CSMD1: variants seen among roughly 807,000 people sequenced by gnomAD.
CSMD1 encodes CUB and sushi domain-containing protein 1.
A neutral mutation model predicts 417.5 loss-of-function variants in CSMD1; 213 were observed. The observed-to-expected ratio is 0.51, with a 90% CI of 0.46 to 0.57. CSMD1 has a LOEUF of 0.57. Among genes scored for constraint, CSMD1 ranks in the 20% least tolerant of loss-of-function variants. CSMD1 has a pLI of 0.00. For synonymous variants in CSMD1, 2,862 were observed against 1,736.8 expected (o/e 1.65, Z -16.11); for missense variants, 6,923 against 4,529.7 (o/e 1.53, Z -15.17).
chr8:4,125,547 T>G (rs1039250901), intron 3 of CSMD1, among the ~76,000 whole-genome samples: 2 of 152,330 alleles, frequency 1.3e-5, no homozygotes, highest in East Asian at 1.9e-4. Flanking sequence ...AGCCTCAACT[T>G]TGTTAAAAAT....
At chr8:4,820,150 T>G (rs1799439268) in intron 1 of CSMD1, among the ~76,000 whole-genome samples, 1 of 152,072 alleles carries the variant, frequency 6.6e-6, no homozygotes, top group Non-Finnish European at 1.5e-5. Flanking sequence ...CACCTCTCTG[T>G]GAAGGGAGAG....
At chr8:4,124,403 T>A (rs1315160197) in intron 3 of CSMD1, among the ~76,000 whole-genome samples, 3 of 12,426 alleles carry the variant, frequency 2.4e-4, no homozygotes, top group Non-Finnish European at 5.3e-4. Flanking sequence ...AGGGGATTTG[T>A]ATTTAATTTT....
At chr8:4,905,861 T>C (rs1805233762) in intron 1 of CSMD1, among the ~76,000 whole-genome samples, 1 of 138,140 alleles carries the variant, frequency 7.2e-6, no homozygotes, top group South Asian at 2.5e-4. Flanking sequence ...AAAAAAGAAA[T>C]CTTACTATCC....
At chr8:3,599,151 CTGTGTGTGTGTCTGTGTG>C in intron 8 of CSMD1, among the ~76,000 whole-genome samples, 1 of 119,962 alleles carries the variant, frequency 8.3e-6, no homozygotes, top group Middle Eastern at 4.1e-3. Flanking sequence ...GTGTGTGTGT[CTGTGTGTGTGTCTGTGTG>C]TGTGTGTGTG....
chr8:4,302,905 C>G (rs1356950339), intron 3 of CSMD1, among the ~76,000 whole-genome samples: 2 of 151,936 alleles, frequency 1.3e-5, no homozygotes, highest in African/African-American at 4.8e-5. Context: ...CATATTAACT[C>G]AAAAGACAGA....
chr8:4,567,978 A>C (rs1411574418), intron 2 of CSMD1, among the ~76,000 whole-genome samples: 1 of 152,188 alleles, frequency 6.6e-6, no homozygotes, highest in East Asian at 1.9e-4. Flanking sequence ...ACTGTTATTT[A>C]ACTTTGAGTA....
At chr8:4,132,223 T>A (rs1260751194) in intron 3 of CSMD1, among the ~76,000 whole-genome samples, 1 of 134,488 alleles carries the variant, frequency 7.4e-6, no homozygotes, top group Non-Finnish European at 1.6e-5. Context: ...TTTCACGGGG[T>A]AGTAATACCC....
chr8:4,012,543 A>G (rs1313928712), intron 4 of CSMD1, among the ~76,000 whole-genome samples: 2 of 152,084 alleles, frequency 1.3e-5, no homozygotes, highest in East Asian at 1.9e-4. Flanking sequence ...TGATCACAGC[A>G]CCTGGCAGGT....
intron 1 of CSMD1, among the ~76,000 whole-genome samples, chr8:4,966,292 T>C (rs1476694213): frequency 2.7e-5 from 4 of 150,924 alleles, no homozygotes; most frequent in African/African-American, 7.3e-5. Flanking sequence ...GGCAGGAGGA[T>C]CACTTGAACC....
chr8:4,554,519 T>C (rs1298666008), intron 2 of CSMD1, among the ~76,000 whole-genome samples: 8 of 152,196 alleles, frequency 5.3e-5, no homozygotes, highest in Admixed American at 2.6e-4. Context: ...TTTGTGGCTT[T>C]ATAGAAATTA....
At chr8:4,500,866 G>A (rs1464917774) in intron 2 of CSMD1, among the ~76,000 whole-genome samples, 9 of 152,076 alleles carry the variant, frequency 5.9e-5, no homozygotes, top group Admixed American at 2.6e-4. Context: ...TGTCTCTGGC[G>A]TAACCTTATT....
intron 2 of CSMD1, among the ~76,000 whole-genome samples, chr8:4,606,220 G>C (rs566537192): frequency 6.6e-6 from 1 of 152,172 alleles, no homozygotes; most frequent in Non-Finnish European, 1.5e-5. Context: ...AGGTCTAAGA[G>C]TTGGAAGGAG....
intron 7 of CSMD1, among the ~76,000 whole-genome samples, chr8:3,684,375 T>C (rs1051594594): frequency 6.8e-6 from 1 of 147,608 alleles, no homozygotes; most frequent in Admixed American, 6.9e-5. Context: ...TTACATAATA[T>C]ATAAAATGTA....
chr8:2,974,710 T>C, intron 55 of CSMD1, 86 bp from the exon 56 acceptor site: 1 of 910,832 alleles, frequency 1.1e-6, no homozygotes, highest in Non-Finnish European at 1.5e-6. Context: ...ACACCCATAC[T>C]GACATCATGT....
chr8:3,178,523 G>T (rs545336628), intron 37 of CSMD1, among the ~76,000 whole-genome samples: 1 of 152,124 alleles, frequency 6.6e-6, no homozygotes, highest in Non-Finnish European at 1.5e-5. Context: ...AATGGTATTC[G>T]TAATAAAATG....
At chr8:4,182,400 T>A (rs1020645674) in intron 3 of CSMD1, among the ~76,000 whole-genome samples, 3 of 152,090 alleles carry the variant, frequency 2.0e-5, no homozygotes, top group African/African-American at 7.2e-5. Context: ...ATTAGAGAGA[T>A]CAGTAAATGC....
intron 5 of CSMD1, among the ~76,000 whole-genome samples, chr8:3,809,748 G>A (rs1427881330): frequency 6.6e-6 from 1 of 152,074 alleles, no homozygotes; most frequent in Non-Finnish European, 1.5e-5. Context: ...TCCTAAGAGG[G>A]GAGTTGAGAC....
At chr8:3,166,217 G>A (rs936230454) in intron 37 of CSMD1, among the ~76,000 whole-genome samples, 1 of 152,076 alleles carries the variant, frequency 6.6e-6, no homozygotes, top group Non-Finnish European at 1.5e-5. Flanking sequence ...AAAGAATTAT[G>A]TATGATAATT....
chr8:4,510,057 G>A (rs919868177), intron 2 of CSMD1, among the ~76,000 whole-genome samples: 3 of 152,116 alleles, frequency 2.0e-5, no homozygotes, highest in Non-Finnish European at 4.4e-5. Context: ...CTTGGGGGTA[G>A]GTCTTTCTCA....
Sources: allele counts gnomAD v4.1 joint callset (sites outside exome capture counted in the v4.1 genomes callset), GRCh38; gene constraint gnomAD v4.1.1; transcripts MANE v1.5; gene names NCBI Gene and HGNC (gene_info 2026-07-23, HGNC 2026-07-21).